The following TGM4 variants were observed in gnomAD, a reference collection of about 807,000 sequenced individuals.
TGM4 encodes the protein transglutaminase 4, also known as protein-glutamine gamma-glutamyltransferase 4.
Under a neutral mutation model 76.3 loss-of-function variants are expected in TGM4, and 61 were observed. The ratio of observed to expected loss-of-function variants is 0.80; its 90% confidence interval spans 0.65 to 0.99. The LOEUF (loss-of-function observed/expected upper bound fraction) is 0.99, where lower values mean the gene tolerates loss of function less well. TGM4 is among the 50% of genes least tolerant of loss of function. The pLI is 0.00. For missense variants in TGM4, 794 were observed against 843.2 expected (o/e 0.94, Z 0.72); for synonymous variants, 337 against 329.8 (o/e 1.02, Z -0.24).
intron 1 of TGM4, among the ~76,000 whole-genome samples, chr3:44,884,575 C>T (rs765640443): frequency 2.0e-5 from 3 of 152,094 alleles, no homozygotes; most frequent in African/African-American, 2.4e-5. Flanking sequence ...TCAGGTGATG[C>T]GCCGCCCCCA....
chr3:44,885,608 C>A, intron 2 of TGM4, 110 bp downstream of exon 2: 2 of 1,156,696 alleles, frequency 1.7e-6, no homozygotes, highest in Non-Finnish European at 2.4e-6. Flanking sequence ...CTTACCCTCC[C>A]TGATCCCCAG....
chr3:44,881,856 C>A (rs182280041), intron 1 of TGM4, among the ~76,000 whole-genome samples: 1 of 152,254 alleles, frequency 6.6e-6, no homozygotes, highest in East Asian at 1.9e-4. Flanking sequence ...ATTGCAGAGA[C>A]TTTTGTTTTT....
intron 2 of TGM4, among the ~76,000 whole-genome samples, chr3:44,886,848 T>C (rs1468178756): frequency 6.6e-6 from 1 of 152,136 alleles, no homozygotes; most frequent in Non-Finnish European, 1.5e-5. Flanking sequence ...GGGCCAGATA[T>C]GATGAAGAAA....
At chr3:44,880,121 A>G (rs1209458053) in intron 1 of TGM4, among the ~76,000 whole-genome samples, 1 of 152,134 alleles carries the variant, frequency 6.6e-6, no homozygotes, top group African/African-American at 2.4e-5. Flanking sequence ...ACGTTATTTT[A>G]TAGTCTGTAT....
intron 1 of TGM4, among the ~76,000 whole-genome samples, chr3:44,878,586 G>A (rs916373228): frequency 2.0e-5 from 3 of 151,560 alleles, no homozygotes; most frequent in Non-Finnish European, 2.9e-5. Flanking sequence ...AGGTTCAAGC[G>A]ATTCTCCTAC....
intron 8 of TGM4, 148 bp downstream of exon 8, chr3:44,902,079 G>A: frequency 9.9e-7 from 1 of 1,011,154 alleles, no homozygotes; most frequent in Non-Finnish European, 1.4e-6. Context: ...CCAGGTAGCT[G>A]TGATTCCAGG....
At chr3:44,910,049 G>T in intron 10 of TGM4, 41 bp from the exon 11 acceptor site, 1 of 1,591,766 alleles carries the variant, frequency 6.3e-7, no homozygotes, top group South Asian at 1.1e-5. Flanking sequence ...TTTGGTCCTT[G>T]AAGGAGCACC....
Position 44,910,382 on chromosome 3 carries a change from A to G in TGM4, c.1606+14A>G. The stretch of plus-strand genomic sequence containing the variant: ...TCCAAGGTCAAGGTACCAGAACCAG[A>G]GGGAGGAGAGGCCTCAAGTGGGCTC... On this transcript the variant is annotated intron_variant, in intron 11 of 13. Coordinates refer to ENST00000296125, the MANE Select transcript of TGM4 (RefSeq NM_003241.4). 3 of 1,609,480 alleles carry G rather than the reference A, an allele frequency of 1.9e-6. No homozygotes were observed. The highest frequency in any genetic ancestry group is 8.5e-7 in the Non-Finnish European group (1 of 1,176,528).
intron 6 of TGM4, among the ~76,000 whole-genome samples, 174 bp downstream of exon 6, chr3:44,896,990 G>C (rs1476480963): frequency 6.9e-6 from 1 of 144,338 alleles, no homozygotes; most frequent in Non-Finnish European, 1.5e-5. Context: ...CTGAGCGCAG[G>C]TTTTCTTTTC....
chr3:44,883,985 G>T (rs1456181043), intron 1 of TGM4, among the ~76,000 whole-genome samples: 1 of 152,152 alleles, frequency 6.6e-6, no homozygotes. Flanking sequence ...CCACAGCGGG[G>T]CTTCCTAATC....
At position 44,906,952 on chromosome 3, in the gene TGM4, T is replaced by C. The variant is rs541267477; in HGVS notation, c.1079T>C (p.Val360Ala). The part of the protein sequence containing the change: ...DATPQERSQG[V>A]FCCGPSPLTA... ...ACCACCCCTGGCTTCCCCTCAGGTG[T>C]CTTCTGCTGTGGGCCATCACCACTG... Residue 360 changes from valine (V) to alanine (A), a missense_variant, in exon 10 of 14, where the codon GTC becomes GCC. Physicochemically the swap from Val to Ala is moderately conservative, Grantham distance 64. Transcript: ENST00000296125. 1 of 1,613,400 alleles carries C rather than the reference T, an allele frequency of 6.2e-7. No individual in the cohort carries two copies. Among genetic ancestry groups the C allele is most frequent in the South Asian group, 1.1e-5 (1 of 91,052 alleles).
chr3:44,903,035 G>A (rs923615477), intron 8 of TGM4, among the ~76,000 whole-genome samples: 6 of 152,212 alleles, frequency 3.9e-5, no homozygotes, highest in Non-Finnish European at 8.8e-5. Context: ...TTGGAAAGGA[G>A]GCACTAACCA....
chr3:44,911,377 C>CAGAT lies in TGM4; in HGVS notation c.1885_1886insGATA (p.Ile629ArgfsTer9). 6.2e-7 allele frequency: 1 copy of CAGAT among 1,614,242 alleles called. No individual in the cohort carries two copies. Among genetic ancestry groups the CAGAT allele is most frequent in the Non-Finnish European group, 8.5e-7 (1 of 1,180,042 alleles). On this transcript the variant is annotated frameshift_variant, in exon 13 of 14. Coordinates refer to ENST00000296125, the MANE Select transcript of TGM4 (RefSeq NM_003241.4). LOFTEE classifies it low-confidence loss of function (END_TRUNC). Reference sequence around the variant, plus strand: ...TCAAGTTCTCTTTGGAAAGCCTGGGCATCTCCTCACTACAGACCTCTGACC... The same window carrying CAGAT: ...TCAAGTTCTCTTTGGAAAGCCTGGGCAGATATCTCCTCACTACAGACCTCTGACC...
At chr3:44,886,412 T>C (rs1374747733) in intron 2 of TGM4, among the ~76,000 whole-genome samples, 1 of 152,180 alleles carries the variant, frequency 6.6e-6, no homozygotes, top group East Asian at 1.9e-4. Context: ...AGAGCGCTCC[T>C]TTTGCTCCTT....
rs145382249 is a variant in TGM4, at chr3:44,901,761, G to T, written c.833-32G>T. On this transcript the variant is annotated intron_variant, in intron 7 of 13. Coordinates refer to ENST00000296125, the MANE Select transcript of TGM4 (RefSeq NM_003241.4). ...AAGGGAGGGACTCCCAGCCCCCACA[G>T]TTGCCAACCACCCCACCCTGGATCA... 1.8e-4 allele frequency: 284 copies of T among 1,613,186 alleles called. 1 individual carries two copies. Among genetic ancestry groups the T allele is most frequent in the African/African-American group, 1.7e-3 (130 of 75,036 alleles).
At position 44,913,719 on chromosome 3, in the gene TGM4, C is replaced by G. The variant is rs79609954; in HGVS notation, c.2049C>G (p.Thr683=). 3 of 1,612,938 alleles carry G rather than the reference C, an allele frequency of 1.9e-6. No individual in the cohort carries two copies. The highest frequency in any genetic ancestry group is 2.5e-6 in the Non-Finnish European group (3 of 1,179,558). ...EINAQKIVLI[T]K is the part of the protein sequence containing the mutation. ...ATGCTCAGAAGATTGTTCTCATCAC[C>G]AAGTAGCCTTGTCTGATGCTGTGGA... The change falls in exon 14 of 14, where the codon ACC becomes ACG. Residue 683 remains threonine (T), a synonymous_variant. Coordinates refer to ENST00000296125, the MANE Select transcript of TGM4 (RefSeq NM_003241.4).
chr3:44,909,604 A>G (rs1699973384), intron 10 of TGM4, among the ~76,000 whole-genome samples: 1 of 152,146 alleles, frequency 6.6e-6, no homozygotes, highest in Non-Finnish European at 1.5e-5. Flanking sequence ...CGGAACTCCA[A>G]AACCATTCTG....
At chr3:44,907,306 CT>C in intron 10 of TGM4, 106 bp downstream of exon 10, 4 of 950,960 alleles carry the variant, frequency 4.2e-6, no homozygotes, top group South Asian at 5.1e-5. Context: ...AACCCCATCC[CT>C]ACCAAAAAAA....
chr3:44,893,963 C>CCA (rs1699741198), intron 5 of TGM4, among the ~76,000 whole-genome samples: 1 of 111,320 alleles, frequency 9.0e-6, no homozygotes, highest in Non-Finnish European at 1.9e-5. Flanking sequence ...CAGCTCTCTC[C>CCA]TACCCCCCAT....
Sources: allele counts gnomAD v4.1 joint callset (sites outside exome capture counted in the v4.1 genomes callset), GRCh38; gene constraint gnomAD v4.1.1; transcripts MANE v1.5; gene names NCBI Gene and HGNC (gene_info 2026-07-23, HGNC 2026-07-21).